The following GOLPH3 variants were observed in gnomAD, a reference collection of about 807,000 sequenced individuals.
GOLPH3 encodes the protein coat protein GPP34.
GOLPH3 carries 14 observed loss-of-function variants against 28.5 expected under a neutral mutation model. The observed-to-expected ratio is 0.49, with a 90% CI of 0.32 to 0.77. The LOEUF (loss-of-function observed/expected upper bound fraction) is 0.77, where lower values mean the gene tolerates loss of function less well. Ranked by LOEUF, GOLPH3 falls within the 30% of genes least tolerant of loss-of-function variation. GOLPH3 has a pLI of 0.03. For synonymous variants in GOLPH3, 158 were observed against 159.2 expected, an observed-to-expected ratio of 0.99 and a Z score of 0.06; for missense variants, 350 against 393.7, an observed-to-expected ratio of 0.89 and a Z score of 0.94.
Position 32,135,663 on chromosome 5 carries a change from T to TG in GOLPH3, c.380dup (p.Thr128AsnfsTer7). On this transcript the variant is annotated frameshift_variant, in exon 3 of 4. Coordinates refer to ENST00000265070, the MANE Select transcript of GOLPH3 (RefSeq NM_022130.4). LOFTEE classifies it high-confidence loss of function. ...CTTCATCAAGAAGAACATCCCCTGT[T>TG]GGAGCATCTGACTTACAGATTACCT... 1 of 1,612,788 alleles carries TG rather than the reference T, an allele frequency of 6.2e-7. No homozygotes were observed.
At chr5:32,168,848 C>T (rs1746770692) in intron 1 of GOLPH3, among the ~76,000 whole-genome samples, 1 of 152,182 alleles carries the variant, frequency 6.6e-6, no homozygotes, top group Non-Finnish European at 1.5e-5. Flanking sequence ...AATCCCAACA[C>T]TTTGGGAGGC....
chr5:32,173,648 C>T, intron 1 of GOLPH3, 162 bp downstream of exon 1: 1 of 435,030 alleles, frequency 2.3e-6, no homozygotes, highest in Non-Finnish European at 3.8e-6. Flanking sequence ...CAACCAACTC[C>T]GACACCGCTC....
chr5:32,171,415 C>A (rs1009380973), intron 1 of GOLPH3, among the ~76,000 whole-genome samples: 2 of 151,872 alleles, frequency 1.3e-5, no homozygotes, highest in East Asian at 3.8e-4. Context: ...GTAACATGTA[C>A]TTGAAAAAAC....
At chr5:32,128,871 G>C (rs1385575851) in intron 3 of GOLPH3, among the ~76,000 whole-genome samples, 2 of 151,844 alleles carry the variant, frequency 1.3e-5, no homozygotes, top group Admixed American at 6.6e-5. Flanking sequence ...GGGTAAGGGG[G>C]GAGTCAACAG....
intron 1 of GOLPH3, among the ~76,000 whole-genome samples, chr5:32,154,346 T>C (rs778876615): frequency 1.3e-5 from 2 of 152,266 alleles, no homozygotes; most frequent in African/African-American, 4.8e-5. Context: ...ATTTGTGATA[T>C]ATGTGCTTTA....
chr5:32,129,560 A>G (rs1245183453), intron 3 of GOLPH3, among the ~76,000 whole-genome samples: 1 of 152,230 alleles, frequency 6.6e-6, no homozygotes, highest in Non-Finnish European at 1.5e-5. Flanking sequence ...AGAACTAACT[A>G]TACTGGCCAG....
intron 1 of GOLPH3, among the ~76,000 whole-genome samples, chr5:32,171,432 G>T (rs1443870006): frequency 6.6e-6 from 1 of 151,700 alleles, no homozygotes; most frequent in Non-Finnish European, 1.5e-5. Context: ...AAACAAATAG[G>T]TATTTCCTCA....
chr5:32,140,915 A>G (rs1746047298), intron 2 of GOLPH3, among the ~76,000 whole-genome samples: 1 of 152,054 alleles, frequency 6.6e-6, no homozygotes, highest in African/African-American at 2.4e-5. Flanking sequence ...TAATCCTTGC[A>G]CTTTGGGAGG....
At chr5:32,129,673 T>C (rs1350747412) in intron 3 of GOLPH3, among the ~76,000 whole-genome samples, 2 of 152,020 alleles carry the variant, frequency 1.3e-5, no homozygotes, top group East Asian at 1.9e-4. Flanking sequence ...AGGAAAGTTA[T>C]AGAAAAAAAG....
chr5:32,140,528 G>A (rs1173610847), intron 2 of GOLPH3, among the ~76,000 whole-genome samples: 1 of 151,834 alleles, frequency 6.6e-6, no homozygotes, highest in African/African-American at 2.4e-5. Flanking sequence ...GTGTGGTGGT[G>A]CATGCCTGTA....
chr5:32,131,216 G>A (rs1355551738), intron 3 of GOLPH3, among the ~76,000 whole-genome samples: 1 of 152,216 alleles, frequency 6.6e-6, no homozygotes, highest in East Asian at 1.9e-4. Flanking sequence ...GGCTAAAACT[G>A]TGAGGAAATA....
chr5:32,131,039 A>C (rs1745815591), intron 3 of GOLPH3, among the ~76,000 whole-genome samples: 1 of 152,220 alleles, frequency 6.6e-6, no homozygotes, highest in Non-Finnish European at 1.5e-5. Context: ...TCCTACTGGC[A>C]ATCATTTCTG....
rs1477279084 is a variant in GOLPH3, at chr5:32,143,837, C to T, written c.269G>A (p.Arg90His). The change falls in exon 2 of 4, where the codon CGT (arginine) becomes CAT (histidine). Residue 90 changes from arginine (R) to histidine (H), a missense_variant. Arg to His is a conservative substitution (Grantham distance 29). Coordinates refer to ENST00000265070, the MANE Select transcript of GOLPH3 (RefSeq NM_022130.4). Reference protein sequence around the residue: ...FWNDCISSGLRGCMLIELALR... With the variant: ...FWNDCISSGLHGCMLIELALR... The stretch of plus-strand genomic sequence containing the variant: ...TGCTAATTCAATTAACATACAGCCA[C>T]GTAATCCAGATGATATACAGTCATT... 2.5e-6 allele frequency: 4 copies of T among 1,597,800 alleles called. No individual in the cohort carries two copies. Among genetic ancestry groups the T allele is most frequent in the Non-Finnish European group, 3.4e-6 (4 of 1,172,508 alleles).
intron 1 of GOLPH3, among the ~76,000 whole-genome samples, chr5:32,145,056 T>C (rs161526): frequency 0.033 from 5,042 of 152,280 alleles, 287 homozygotes; most frequent in African/African-American, 0.12. Flanking sequence ...GGCCCTCACC[T>C]CTGGCACTTT....
At chr5:32,147,437 A>C (rs1347234191) in intron 1 of GOLPH3, among the ~76,000 whole-genome samples, 2 of 133,998 alleles carry the variant, frequency 1.5e-5, no homozygotes, top group South Asian at 2.3e-4. Flanking sequence ...CATCTCAAAC[A>C]AAAAAAAAAA....
At chr5:32,161,422 T>A (rs1385408944) in intron 1 of GOLPH3, among the ~76,000 whole-genome samples, 4 of 75,138 alleles carry the variant, frequency 5.3e-5, no homozygotes, top group African/African-American at 5.6e-5. Flanking sequence ...AAACCAAAGC[T>A]GAGGAAAAAA....
intron 1 of GOLPH3, 89 bp downstream of exon 1, chr5:32,173,719 AGC>A: frequency 1.1e-6 from 1 of 912,402 alleles, no homozygotes; most frequent in Non-Finnish European, 1.4e-6. Flanking sequence ...GCGGGCCGGA[AGC>A]CTCGGGCGCT....
intron 1 of GOLPH3, among the ~76,000 whole-genome samples, chr5:32,147,132 T>A (rs1474988035): frequency 1.3e-5 from 2 of 152,154 alleles, no homozygotes; most frequent in Non-Finnish European, 2.9e-5. Flanking sequence ...ACACAATTCT[T>A]ATGGGCCTTT....
At chr5:32,127,025 G>C (rs1745697452) in intron 3 of GOLPH3, among the ~76,000 whole-genome samples, 1 of 151,862 alleles carries the variant, frequency 6.6e-6, no homozygotes, top group Non-Finnish European at 1.5e-5. Context: ...AAAAAAAAAA[G>C]CTTCCTGATT....
Sources: gnomAD v4.1 joint callset for allele counts (sites outside exome capture counted in the v4.1 genomes callset) on GRCh38, gnomAD v4.1.1 for gene constraint, MANE v1.5 for transcripts, NCBI Gene and HGNC (gene_info 2026-07-23, HGNC 2026-07-21) for gene names.